Variants in GALNT13 observed in about 807,000 individuals in gnomAD.
GALNT13 encodes the protein UDP-GalNAc:polypeptide N-acetylgalactosaminyltransferase 13.
In GALNT13, 28 loss-of-function variants were observed where a neutral mutation model predicts 64.2. The observed-to-expected ratio is 0.44, with a 90% confidence interval of 0.32 to 0.60. The LOEUF is 0.60. GALNT13 is among the 20% of genes least tolerant of loss of function. The pLI is 0.05. For missense variants in GALNT13, 577 were observed against 669.8 expected (o/e 0.86, Z 1.53); for synonymous variants, 214 against 224.6 (o/e 0.95, Z 0.42).
chr2:154,101,446 G>A (rs991591512), intron 3 of GALNT13, among the ~76,000 whole-genome samples: 1 of 151,926 alleles, frequency 6.6e-6, no homozygotes. Flanking sequence ...ACATGGAAAT[G>A]TTCATAGTAG....
intron 9 of GALNT13, among the ~76,000 whole-genome samples, chr2:154,319,613 C>T (rs772771508): frequency 6.7e-6 from 1 of 149,580 alleles, no homozygotes; most frequent in African/African-American, 2.5e-5. Flanking sequence ...CGCAGTGAGC[C>T]GAGATCACAC....
intron 2 of GALNT13, among the ~76,000 whole-genome samples, chr2:153,910,745 T>A (rs900819659): frequency 1.3e-5 from 2 of 152,202 alleles, no homozygotes; most frequent in African/African-American, 4.8e-5. Flanking sequence ...TGGTTTTGAG[T>A]GATTTTCTTG....
chr2:153,361,959 G>A, the GALNT13 span, among the ~76,000 whole-genome samples: 1 of 152,116 alleles, frequency 6.6e-6, no homozygotes, highest in African/African-American at 2.4e-5. Flanking sequence ...AAGTACTAAG[G>A]GCAGCCAGAG....
the GALNT13 span, among the ~76,000 whole-genome samples, chr2:153,828,544 G>T: frequency 6.6e-6 from 1 of 152,048 alleles, no homozygotes; most frequent in South Asian, 2.1e-4. Flanking sequence ...GGGACACGGG[G>T]TACAAAGTCC....
At chr2:153,436,748 C>G in the GALNT13 span, among the ~76,000 whole-genome samples, 1 of 152,034 alleles carries the variant, frequency 6.6e-6, no homozygotes, top group Non-Finnish European at 1.5e-5. Flanking sequence ...AACAGTCTAT[C>G]AATTTTGTTG....
chr2:153,871,714 G>A (rs1240077610), upstream of GALNT13, among the ~76,000 whole-genome samples: 1 of 152,216 alleles, frequency 6.6e-6, no homozygotes, highest in African/African-American at 2.4e-5. Flanking sequence ...TCCAGAAGCA[G>A]CTGGAGCGCG....
chr2:154,336,633 A>T (rs2105210736), intron 9 of GALNT13, among the ~76,000 whole-genome samples: 1 of 152,194 alleles, frequency 6.6e-6, no homozygotes, highest in Non-Finnish European at 1.5e-5. Flanking sequence ...AAATAATAAA[A>T]CCACAGGTCT....
intron 3 of GALNT13, among the ~76,000 whole-genome samples, chr2:154,114,471 G>C (rs915626615): frequency 6.6e-6 from 1 of 152,196 alleles, no homozygotes; most frequent in Non-Finnish European, 1.5e-5. Flanking sequence ...TGTCAGCTCA[G>C]AGCCAGTGTC....
At chr2:153,489,730 G>T in the GALNT13 span, among the ~76,000 whole-genome samples, 1 of 152,152 alleles carries the variant, frequency 6.6e-6, no homozygotes, top group African/African-American at 2.4e-5. Context: ...GTAAGATCAG[G>T]TGTATACGAA....
At chr2:154,309,975 A>T (rs189294750) in intron 9 of GALNT13, among the ~76,000 whole-genome samples, 1 of 152,346 alleles carries the variant, frequency 6.6e-6, no homozygotes, top group Non-Finnish European at 1.5e-5. Context: ...TCTTCCCAAG[A>T]ATTCCACATA....
At chr2:153,241,224 C>T in the GALNT13 span, among the ~76,000 whole-genome samples, 8 of 152,082 alleles carry the variant, frequency 5.3e-5, no homozygotes, top group African/African-American at 1.9e-4. Flanking sequence ...GCAGGCCTGA[C>T]GAGGGGAGAC....
At chr2:153,410,564 G>A in the GALNT13 span, among the ~76,000 whole-genome samples, 1 of 152,148 alleles carries the variant, frequency 6.6e-6, no homozygotes, top group African/African-American at 2.4e-5. Flanking sequence ...AGGGAGGAAA[G>A]AGAAAGACAT....
chr2:153,997,886 A>T (rs1393133075), intron 3 of GALNT13, among the ~76,000 whole-genome samples: 1 of 151,994 alleles, frequency 6.6e-6, no homozygotes, highest in East Asian at 1.9e-4. Flanking sequence ...TTGTGAGAAC[A>T]TGTGGTGTTT....
At chr2:153,489,501 A>T in the GALNT13 span, among the ~76,000 whole-genome samples, 1 of 152,250 alleles carries the variant, frequency 6.6e-6, no homozygotes, top group South Asian at 2.1e-4. Flanking sequence ...CATTTAAAGA[A>T]AAAGAAGACA....
intron 3 of GALNT13, among the ~76,000 whole-genome samples, chr2:154,127,738 G>A (rs534692457): frequency 4.0e-5 from 6 of 149,080 alleles, no homozygotes; most frequent in African/African-American, 1.5e-4. Context: ...GGATATATGT[G>A]TATATGTGCA....
chr2:154,324,911 G>A (rs987512467), intron 9 of GALNT13, among the ~76,000 whole-genome samples: 4 of 152,114 alleles, frequency 2.6e-5, no homozygotes, highest in African/African-American at 9.7e-5. Flanking sequence ...GAAGTAGTAT[G>A]TGTTTTTCAG....
intron 3 of GALNT13, among the ~76,000 whole-genome samples, chr2:154,065,212 A>C (rs1700400076): frequency 6.6e-6 from 1 of 152,132 alleles, no homozygotes; most frequent in African/African-American, 2.4e-5. Context: ...CAGCTGCAGT[A>C]GAATACAGCA....
At chr2:154,368,436 G>A (rs1420598549) in intron 9 of GALNT13, among the ~76,000 whole-genome samples, 1 of 152,118 alleles carries the variant, frequency 6.6e-6, no homozygotes, top group Non-Finnish European at 1.5e-5. Context: ...ACTTCTGTGG[G>A]ATGAAGGCCT....
At chr2:154,289,158 G>C (rs1013343038) in intron 8 of GALNT13, among the ~76,000 whole-genome samples, 3 of 152,156 alleles carry the variant, frequency 2.0e-5, no homozygotes, top group African/African-American at 7.2e-5. Context: ...ACCAAAGTTT[G>C]GGGCTTGCAC....
Sources: allele counts gnomAD v4.1 joint callset (sites outside exome capture counted in the v4.1 genomes callset), GRCh38; gene constraint gnomAD v4.1.1; transcripts MANE v1.5; gene names NCBI Gene and HGNC (gene_info 2026-07-23, HGNC 2026-07-21).